The following WWC2 variants were observed in gnomAD, a reference collection of about 807,000 sequenced individuals.
WWC2 encodes WW and C2 domain containing 2.
WWC2 carries 101 observed loss-of-function variants against 138.5 expected under a neutral mutation model. The observed-to-expected ratio is 0.73, with a 90% CI of 0.62 to 0.86. The LOEUF (loss-of-function observed/expected upper bound fraction) is 0.86, where lower values mean the gene tolerates loss of function less well. Among genes scored for constraint, WWC2 ranks in the 40% least tolerant of loss-of-function variants. The probability of loss-of-function intolerance (pLI) is 0.00; values close to 1 mark genes in which losing one functional copy is unlikely to be tolerated. For synonymous variants in WWC2, 558 were observed against 538.4 expected, an observed-to-expected ratio of 1.04 and a Z score of -0.50; for missense variants, 1,420 against 1,419.4, an observed-to-expected ratio of 1.00 and a Z score of -0.01.
chr4:183,312,572 G>C, intron 22 of WWC2, 104 bp downstream of exon 22: 2 of 1,510,988 alleles, frequency 1.3e-6, no homozygotes, highest in Admixed American at 1.8e-5. Context: ...ATCCGAGACA[G>C]AAGTCCTCTG....
intron 1 of WWC2, among the ~76,000 whole-genome samples, chr4:183,180,202 G>A (rs1300956694): frequency 1.3e-5 from 2 of 152,144 alleles, no homozygotes; most frequent in South Asian, 2.1e-4. Context: ...TTGTATATCA[G>A]GCGGACTGGC....
chr4:183,293,543 T>C (rs1738530684), intron 21 of WWC2, among the ~76,000 whole-genome samples: 1 of 152,214 alleles, frequency 6.6e-6, no homozygotes, highest in Non-Finnish European at 1.5e-5. Flanking sequence ...AGAATCACTT[T>C]CTTTAAAATC....
At chr4:183,224,622 G>A (rs868018695) in intron 4 of WWC2, among the ~76,000 whole-genome samples, 1 of 152,094 alleles carries the variant, frequency 6.6e-6, no homozygotes. Flanking sequence ...GTGCACTGGC[G>A]CCATCTCAGC....
chr4:183,164,287 TA>T (rs1455096618), intron 1 of WWC2, among the ~76,000 whole-genome samples: 20 of 2,366 alleles, frequency 8.5e-3, no homozygotes, highest in Admixed American at 0.011. Flanking sequence ...TATATATATA[TA>T]TATATATATA....
At chr4:183,256,853 T>A (rs1467633252) in intron 9 of WWC2, among the ~76,000 whole-genome samples, 2 of 140,236 alleles carry the variant, frequency 1.4e-5, no homozygotes, top group Non-Finnish European at 3.0e-5. Flanking sequence ...TAGATGCACA[T>A]GAATTTTCAG....
intron 6 of WWC2, among the ~76,000 whole-genome samples, chr4:183,246,058 T>TA (rs1736771708): frequency 6.6e-6 from 1 of 152,168 alleles, no homozygotes; most frequent in South Asian, 2.1e-4. Context: ...GGGATGCCTA[T>TA]ACAGTTACCC....
intron 18 of WWC2, 51 bp downstream of exon 18, chr4:183,282,957 TG>T: frequency 6.8e-7 from 1 of 1,470,118 alleles, no homozygotes; most frequent in Non-Finnish European, 9.1e-7. Context: ...AGGCACCATG[TG>T]GACTAGGGAG....
At chr4:183,139,397 G>C (rs1434950328) in intron 1 of WWC2, among the ~76,000 whole-genome samples, 1 of 152,232 alleles carries the variant, frequency 6.6e-6, no homozygotes, top group Admixed American at 6.5e-5. Context: ...TGTCTAGTGG[G>C]CCCCCTCATC....
chr4:183,206,063 T>C (rs1172868421), intron 2 of WWC2, among the ~76,000 whole-genome samples: 8 of 152,064 alleles, frequency 5.3e-5, no homozygotes. Flanking sequence ...AATTCAGCAG[T>C]GCCTCCTTTC....
At chr4:183,203,968 G>C (rs1279133872) in intron 2 of WWC2, among the ~76,000 whole-genome samples, 1 of 152,164 alleles carries the variant, frequency 6.6e-6, no homozygotes, top group Non-Finnish European at 1.5e-5. Flanking sequence ...TTATACAAGG[G>C]TATGTTGGGT....
intron 4 of WWC2, among the ~76,000 whole-genome samples, chr4:183,217,424 C>T (rs1162992293): frequency 6.6e-6 from 1 of 152,018 alleles, no homozygotes; most frequent in African/African-American, 2.4e-5. Context: ...ATCAATAAAG[C>T]TGTTAAGAAT....
chr4:183,186,815 C>T (rs925019268), intron 1 of WWC2, among the ~76,000 whole-genome samples: 5 of 152,038 alleles, frequency 3.3e-5, no homozygotes, highest in South Asian at 2.1e-4. Flanking sequence ...AACTAATTCT[C>T]GTTGGTACCA....
intron 1 of WWC2, among the ~76,000 whole-genome samples, chr4:183,104,414 A>G (rs1743287145): frequency 1.3e-5 from 2 of 152,234 alleles, no homozygotes; most frequent in Non-Finnish European, 2.9e-5. Context: ...ACCAACAGAG[A>G]CAACTGACTT....
rs1736790201 is a variant in WWC2, at chr4:183,246,643, A to G, written c.732+1098A>G. ...GCCACTAAAGGTAGGCACTGTTATTATTCTCAGCTTACAGACGAGGAAATT... is the reference window on the plus strand; with the variant it reads ...GCCACTAAAGGTAGGCACTGTTATTGTTCTCAGCTTACAGACGAGGAAATT... On this transcript the variant is annotated intron_variant, in intron 6 of 22. Transcript: ENST00000403733. Among the ~76,000 whole-genome samples the G allele has an allele frequency of 1.3e-5, 2 of 152,232 alleles. 1 individual carries two copies. Among genetic ancestry groups the G allele is most frequent in the South Asian group, 4.1e-4 (2 of 4,836 alleles).
At chr4:183,135,618 A>C (rs146533341) in intron 1 of WWC2, among the ~76,000 whole-genome samples, 4 of 152,162 alleles carry the variant, frequency 2.6e-5, no homozygotes, top group African/African-American at 7.2e-5. Flanking sequence ...TTAATGTTTT[A>C]TGTAGTATGT....
In WWC2 at chr4:183,271,114, T is replaced by C; in HGVS notation, c.2435T>C (p.Phe812Ser). 2 of 1,608,530 alleles carry C rather than the reference T, an allele frequency of 1.2e-6. No homozygotes were observed. Among genetic ancestry groups the C allele is most frequent in the Non-Finnish European group, 1.7e-6 (2 of 1,177,374 alleles). Residue 812 changes from phenylalanine to serine, a missense_variant, in exon 16 of 23, where the codon TTT becomes TCT. By Grantham distance (155) the Phe-to-Ser change is radical. Transcript: ENST00000403733. Reference sequence around the variant, plus strand: ...CAGATCAGCCTGGCAGATTTACCATTTTCCAGTGAGGTTTTCACTCTATGG... The same window carrying C: ...CAGATCAGCCTGGCAGATTTACCATCTTCCAGTGAGGTTTTCACTCTATGG... ...GTQISLADLP[F>S]SSEVFTLWYN...
intron 1 of WWC2, among the ~76,000 whole-genome samples, chr4:183,183,369 T>G (rs376436546): frequency 0.16 from 32 of 196 alleles, no homozygotes; most frequent in African/African-American, 0.17. Flanking sequence ...ATTTTAATGG[T>G]TTTTTTTAAC....
chr4:183,232,761 T>G (rs1013602168), intron 4 of WWC2, among the ~76,000 whole-genome samples: 11 of 152,086 alleles, frequency 7.2e-5, no homozygotes, highest in Admixed American at 7.2e-4. Flanking sequence ...GATTCTCCTG[T>G]CTCAGCCTCC....
intron 2 of WWC2, among the ~76,000 whole-genome samples, chr4:183,194,260 A>G (rs1392299985): frequency 6.6e-6 from 1 of 152,192 alleles, no homozygotes; most frequent in Non-Finnish European, 1.5e-5. Flanking sequence ...AATCTGTCAT[A>G]TCTCTGACAT....
Sources: allele counts gnomAD v4.1 joint callset (sites outside exome capture counted in the v4.1 genomes callset), GRCh38; gene constraint gnomAD v4.1.1; transcripts MANE v1.5; gene names NCBI Gene and HGNC (gene_info 2026-07-23, HGNC 2026-07-21).